The following JMJD1C variants were observed in gnomAD, a reference collection of about 807,000 sequenced individuals.
JMJD1C encodes the protein jumonji domain containing 1C.
A neutral mutation model predicts 245.3 loss-of-function variants in JMJD1C; 31 were observed. The ratio of observed to expected loss-of-function variants is 0.13; its 90% CI spans 0.09 to 0.17. The LOEUF is 0.17. Among genes scored for constraint, JMJD1C ranks in the 10% least tolerant of loss-of-function variants. The probability of loss-of-function intolerance (pLI) is 1.00; values close to 1 mark genes in which losing one functional copy is unlikely to be tolerated. For missense variants in JMJD1C, 2,691 were observed against 3,000.2 expected (o/e 0.90, Z 2.41); for synonymous variants, 1,057 against 1,017.4 (o/e 1.04, Z -0.74).
chr10:63,177,954 G>A, intron 22 of JMJD1C, 98 bp from the exon 23 acceptor site: 1 of 1,273,762 alleles, frequency 7.9e-7, no homozygotes, highest in Non-Finnish European at 1.1e-6. Flanking sequence ...TGCCTGACTA[G>A]GATCAGTACT....
At chr10:63,440,963 G>T (rs1329179100) in intron 1 of JMJD1C, among the ~76,000 whole-genome samples, 7 of 152,172 alleles carry the variant, frequency 4.6e-5, no homozygotes, top group Non-Finnish European at 1.0e-4. Context: ...AACCTACTAT[G>T]AAGTCACTAA....
chr10:63,366,935 G>A (rs1471625792), intron 2 of JMJD1C, among the ~76,000 whole-genome samples: 1 of 152,120 alleles, frequency 6.6e-6, no homozygotes, highest in Admixed American at 6.5e-5. Flanking sequence ...CTGGTTTTTG[G>A]CCAGATCCAG....
intron 1 of JMJD1C, among the ~76,000 whole-genome samples, chr10:63,414,708 T>A (rs1431154303): frequency 6.6e-6 from 1 of 151,956 alleles, no homozygotes; most frequent in African/African-American, 2.4e-5. Flanking sequence ...GCCAACATGG[T>A]GAAACTTCAT....
At chr10:63,358,684 T>C (rs565393880) in intron 2 of JMJD1C, 54 of 152,298 alleles carry the variant, frequency 3.5e-4, no homozygotes, top group African/African-American at 1.2e-3. Context: ...GTATAAAAGT[T>C]TGAACATATG....
chr10:63,497,132 C>T (rs188320590), intron 1 of JMJD1C, among the ~76,000 whole-genome samples: 6 of 151,800 alleles, frequency 4.0e-5, no homozygotes, highest in Non-Finnish European at 8.8e-5. Context: ...AAGTAGCACC[C>T]AACTTCTTTT....
At chr10:63,177,407 C>T (rs545549873) in intron 23 of JMJD1C, 5 of 292,912 alleles carry the variant, frequency 1.7e-5, no homozygotes, top group South Asian at 4.1e-5. Context: ...TTACATCCCG[C>T]GACTCCAGAT....
intron 3 of JMJD1C, 72 bp from the exon 4 acceptor site, chr10:63,220,055 A>T: frequency 9.0e-7 from 1 of 1,114,268 alleles, no homozygotes; most frequent in South Asian, 1.4e-5. Flanking sequence ...TTTCCCTCCT[A>T]TACGTTCTAA....
rs529044133 is a variant in JMJD1C, at chr10:63,168,213, AAAT to A, written c.7534-82_7534-80del. ...AAAATGACAACTTCCAGATTTAAAAAAATAATAGGGAACTAGGAAAGCCAAATA... is the reference window on the plus strand; with the variant it reads ...AAAATGACAACTTCCAGATTTAAAAAAATAGGGAACTAGGAAAGCCAAATA... On this transcript the variant is annotated intron_variant, in intron 25 of 25. Transcript: ENST00000399262. The A allele has an allele frequency of 6.4e-4, 762 of 1,193,226 alleles. 5 individuals are homozygous for A. The African/African-American group carries it at 0.011, about 17-fold the overall frequency. The allele number at this position is 1,193,226 out of a possible 1,614,324, so 73.9% of individuals were successfully genotyped here.
intron 2 of JMJD1C, among the ~76,000 whole-genome samples, chr10:63,369,580 CTGTT>C (rs1946132154): frequency 6.6e-6 from 1 of 152,102 alleles, no homozygotes; most frequent in Admixed American, 6.5e-5. Flanking sequence ...ATTAGATTGA[CTGTT>C]TATTTAAATG....
chr10:63,186,448 T>C, intron 18 of JMJD1C, 65 bp from the exon 19 acceptor site: 1 of 1,349,618 alleles, frequency 7.4e-7, no homozygotes, highest in Non-Finnish European at 1.0e-6. Flanking sequence ...TTTGTTTGTT[T>C]GTTTGTTTGA....
chr10:63,328,343 A>G lies in JMJD1C; in HGVS notation c.333+51975T>C, dbSNP rs75915756. Among the ~76,000 whole-genome samples, 697 of 152,252 alleles carry G rather than the reference A, an allele frequency of 4.6e-3. 9 individuals are homozygous for G. The highest frequency in any genetic ancestry group is 0.016 in the African/African-American group (663 of 41,546). On this transcript the variant is annotated intron_variant, in intron 2 of 25. Transcript: ENST00000399262. ...ATCCAATTTAGCTTGTCACATATATAAAAAATTTGAGAGGATTAGGGGAAA... is the reference window on the plus strand; with the variant it reads ...ATCCAATTTAGCTTGTCACATATATGAAAAATTTGAGAGGATTAGGGGAAA...
At chr10:63,282,305 C>T (rs907233677) in intron 2 of JMJD1C, among the ~76,000 whole-genome samples, 10 of 152,098 alleles carry the variant, frequency 6.6e-5, no homozygotes, top group Non-Finnish European at 1.0e-4. Context: ...TCTATTTTTG[C>T]ATATTTAGAA....
At chr10:63,202,314 T>C (rs1846110609) in intron 10 of JMJD1C, 1 of 985,104 alleles carries the variant, frequency 1.0e-6, no homozygotes, top group Non-Finnish European at 1.2e-6. Flanking sequence ...TGGCTCTAAC[T>C]TGTAAGTGTC....
chr10:63,439,285 T>C lies in JMJD1C; in HGVS notation c.168+26210A>G, dbSNP rs560373195. 4.6e-5 allele frequency among the ~76,000 whole-genome samples: 7 copies of C among 152,372 alleles called. No homozygotes were observed. The East Asian group carries it at 9.6e-4, about 21-fold the overall frequency. ...TCTCTGTAGAAACAACAGTAAGTTA[T>C]TGTGTAATGTTCTGTTCCTGGCTTT... On this transcript the variant is annotated intron_variant, in intron 1 of 25. Transcript: ENST00000399262.
rs766025051 is a variant in JMJD1C, at chr10:63,213,528, G to A, written c.2639C>T (p.Ser880Phe). The A allele has an allele frequency of 2.5e-6, 4 of 1,609,498 alleles. No individual in the cohort carries two copies. The South Asian group carries it at 4.4e-5, about 18-fold the overall frequency. The change falls in exon 8 of 26, where the codon TCT (serine) becomes TTT (phenylalanine). Residue 880 changes from serine to phenylalanine, a missense_variant. This residue lies in a region of JMJD1C where 1,562 missense variants were observed against 1,490.7 expected (regional missense o/e 1.05). Transcript: ENST00000399262. ...ATTTTCTGGGTGAACCCACTTAGAAGAAGGCAAACCAAGTCCTGAGTATGC... is the reference window on the plus strand; with the variant it reads ...ATTTTCTGGGTGAACCCACTTAGAAAAAGGCAAACCAAGTCCTGAGTATGC... ...THAYSGLGLPSSKWVHPENAV... is the reference protein window; with the variant it reads ...THAYSGLGLPFSKWVHPENAV...
At chr10:63,249,687 C>T (rs557194621) in intron 3 of JMJD1C, among the ~76,000 whole-genome samples, 6 of 151,924 alleles carry the variant, frequency 3.9e-5, no homozygotes, top group African/African-American at 9.7e-5. Context: ...GGTGAAACCC[C>T]GTCTCTACTA....
intron 25 of JMJD1C, 119 bp downstream of exon 25, chr10:63,168,316 T>G (rs559709323): frequency 1.2e-4 from 132 of 1,071,820 alleles, no homozygotes; most frequent in Admixed American, 9.4e-4. Context: ...TTGGTGTTAA[T>G]CTTTGGTTGT....
rs1389016954 is a variant in JMJD1C, at chr10:63,197,498, A to G, written c.5557T>C (p.Leu1853=). 4.3e-6 allele frequency: 7 copies of G among 1,609,728 alleles called. No homozygotes were observed. Among genetic ancestry groups the G allele is most frequent in the African/African-American group, 4.0e-5 (3 of 74,604 alleles). The change falls in exon 13 of 26, where the codon TTG becomes CTG. Residue 1853 remains leucine, a synonymous_variant. Coordinates refer to ENST00000399262, the MANE Select transcript of JMJD1C (RefSeq NM_032776.3). ...REMCDACEAT[L]FNIHWVCQKC... ...TGGCAGACCCAGTGAATGTTAAACAATGTTGCTTCACATGCATCACACATC... is the reference window on the plus strand; with the variant it reads ...TGGCAGACCCAGTGAATGTTAAACAGTGTTGCTTCACATGCATCACACATC...
At position 63,379,772 on chromosome 10, in the gene JMJD1C, C is replaced by T. The variant is rs190625344; in HGVS notation, c.333+546G>A. ...AATAAACTTATTCATTAACTACATA[C>T]GCTGACAGAATACTAACAAAGAGAC... On this transcript the variant is annotated intron_variant, in intron 2 of 25. Transcript: ENST00000399262. 1.7e-3 allele frequency among the ~76,000 whole-genome samples: 255 copies of T among 152,266 alleles called. 2 individuals carry two copies. Among genetic ancestry groups the T allele is most frequent in the Non-Finnish European group, 3.1e-3 (211 of 68,010 alleles).
Sources: allele counts gnomAD v4.1 joint callset (sites outside exome capture counted in the v4.1 genomes callset), GRCh38; gene constraint gnomAD v4.1.1; regional missense constraint gnomAD v4.1.1; transcripts MANE v1.5; gene names NCBI Gene and HGNC (gene_info 2026-07-23, HGNC 2026-07-21).